Variants in PUM3 observed in about 807,000 individuals in gnomAD.
PUM3 encodes the protein pumilio RNA binding family member 3.
In PUM3, 91 loss-of-function variants were observed where a neutral mutation model predicts 84.0. The observed-to-expected ratio is 1.08, with a 90% CI of 0.91 to 1.29. The LOEUF (loss-of-function observed/expected upper bound fraction) is 1.29. Ranked by LOEUF, PUM3 falls within the 50% of genes most tolerant of loss-of-function variation. The pLI is 0.00. For synonymous variants in PUM3, 321 were observed against 266.7 expected (o/e 1.20, Z -1.98); for missense variants, 1,067 against 767.5 (o/e 1.39, Z -4.61).
intron 1 of PUM3, 50 bp downstream of exon 1, chr9:2,843,995 G>T: frequency 6.5e-6 from 1 of 154,286 alleles, no homozygotes. Context: ...CCAGCGCCCG[G>T]CAGGGTGCGA....
chr9:2,813,887 T>C (rs1028133634), intron 13 of PUM3, among the ~76,000 whole-genome samples: 5 of 152,226 alleles, frequency 3.3e-5, no homozygotes, highest in Non-Finnish European at 5.9e-5. Context: ...AGTCAAGCAC[T>C]ACTGAGAGCT....
chr9:2,842,819 T>C lies in PUM3; in HGVS notation c.-11+1226A>G, dbSNP rs187781611. On this transcript the variant is annotated intron_variant, in intron 1 of 17. Coordinates refer to ENST00000397885, the MANE Select transcript of PUM3 (RefSeq NM_014878.5). ...ACATAATTCTCTATGTTGTTCTTTA[T>C]GTTATTGTTGTTTGCCCCACAAACA... Among the ~76,000 whole-genome samples, 30 of 152,336 alleles carry C rather than the reference T, an allele frequency of 2.0e-4. No individual in the cohort carries two copies. The East Asian group carries it at 2.1e-3, about 11-fold the overall frequency.
At chr9:2,841,751 G>A (rs960148099) in intron 1 of PUM3, among the ~76,000 whole-genome samples, 1 of 150,216 alleles carries the variant, frequency 6.7e-6, no homozygotes, top group Non-Finnish European at 1.5e-5. Context: ...TCAGCCCTTC[G>A]GCCCCTCACC....
chr9:2,842,382 A>C (rs1448647283), intron 1 of PUM3, among the ~76,000 whole-genome samples: 1 of 152,160 alleles, frequency 6.6e-6, no homozygotes, highest in Non-Finnish European at 1.5e-5. Flanking sequence ...CACTGCCTTC[A>C]GGAAAAAGTT....
At chr9:2,817,392 A>T (rs1194955871) in intron 13 of PUM3, among the ~76,000 whole-genome samples, 1 of 152,216 alleles carries the variant, frequency 6.6e-6, no homozygotes, top group Non-Finnish European at 1.5e-5. Flanking sequence ...TTTAAAAAAC[A>T]AAAACAAAAT....
At chr9:2,838,629 A>C in intron 1 of PUM3, 112 bp from the exon 2 acceptor site, 1 of 666,082 alleles carries the variant, frequency 1.5e-6, no homozygotes, top group Non-Finnish European at 2.7e-6. Flanking sequence ...ATACAATACA[A>C]ATCAGCCAGA....
intron 13 of PUM3, among the ~76,000 whole-genome samples, chr9:2,814,043 GA>G (rs1483936635): frequency 3.5e-5 from 1 of 28,702 alleles, no homozygotes; most frequent in East Asian, 8.8e-4. Context: ...TCAGAGAGCT[GA>G]AAATTCAATA....
intron 12 of PUM3, among the ~76,000 whole-genome samples, chr9:2,822,161 T>G (rs553269014): frequency 1.3e-5 from 2 of 152,098 alleles, no homozygotes; most frequent in Non-Finnish European, 2.9e-5. Context: ...ACAAGTATAG[T>G]TGGAAATTTT....
intron 4 of PUM3, 102 bp downstream of exon 4, chr9:2,833,929 A>T: frequency 4.0e-6 from 5 of 1,248,354 alleles, no homozygotes; most frequent in Non-Finnish European, 5.6e-6. Flanking sequence ...CAATAACCCA[A>T]GTGCTATGTC....
At chr9:2,833,771 G>T (rs932240920) in intron 4 of PUM3, among the ~76,000 whole-genome samples, 1 of 152,132 alleles carries the variant, frequency 6.6e-6, no homozygotes, top group African/African-American at 2.4e-5. Flanking sequence ...CATTTTCTCA[G>T]AAATCTCTCA....
intron 7 of PUM3, 73 bp from the exon 8 acceptor site, chr9:2,830,021 T>C: frequency 2.9e-6 from 4 of 1,362,716 alleles, no homozygotes; most frequent in Non-Finnish European, 4.1e-6. Context: ...CACAACTTAC[T>C]TCTCCCAAGA....
In PUM3 at chr9:2,823,803, G is replaced by T; in HGVS notation, c.1166C>A (p.Thr389Asn). 6.6e-7 allele frequency: 1 copy of T among 1,518,198 alleles called. No individual in the cohort carries two copies. Among genetic ancestry groups the T allele is most frequent in the Non-Finnish European group, 9.0e-7 (1 of 1,111,912 alleles). The allele number at this position is 1,518,198 out of a possible 1,614,324, so 94.0% of individuals were successfully genotyped here. A position where few individuals can be genotyped will look rare whatever the true frequency, so the allele number is the denominator to read the frequency against. ...TACATTAGCCACCTTTTCAACATAA[G>T]TCTTCATTGTTTTCACAATCACTTT... is the stretch of plus-strand genomic sequence containing the variant. ...DRKVIVKTMK[T>N]YVEKVANGQY... Residue 389 changes from threonine to asparagine, a missense_variant, in exon 12 of 18, where the codon ACT (threonine) becomes AAT (asparagine). Coordinates refer to ENST00000397885, the MANE Select transcript of PUM3 (RefSeq NM_014878.5).
At chr9:2,804,566 T>TTGTAACTATATACACATTA in intron 17 of PUM3, 103 bp from the exon 18 acceptor site, 1 of 1,057,222 alleles carries the variant, frequency 9.5e-7, no homozygotes, top group African/African-American at 1.6e-5. Flanking sequence ...GACACAAGCC[T>TTGTAACTATATACACATTA]TGTAACTATA....
chr9:2,807,419 G>A (rs1403456084), intron 17 of PUM3, among the ~76,000 whole-genome samples: 1 of 151,518 alleles, frequency 6.6e-6, no homozygotes, highest in African/African-American at 2.4e-5. Context: ...AACACAGGGA[G>A]ACCCCCATCT....
chr9:2,834,044 C>G lies in PUM3; in HGVS notation c.427G>C (p.Glu143Gln), dbSNP rs1449450338. 2 of 1,613,228 alleles carry G rather than the reference C, an allele frequency of 1.2e-6. No individual in the cohort carries two copies. The highest frequency in any genetic ancestry group is 1.7e-6 in the Non-Finnish European group (2 of 1,179,632). ...DIVVRAKQMW[E>Q]ILRRKDCDKE... ...AGGTAGAATTACCTTCTTAAAATCT[C>G]CCACATCTGCTTTGCCCGAACAACA... Residue 143 changes from glutamate (E) to glutamine (Q), a missense_variant, in exon 4 of 18, where the codon GAG becomes CAG. By Grantham distance (29) the Glu-to-Gln change is conservative. Coordinates refer to ENST00000397885, the MANE Select transcript of PUM3 (RefSeq NM_014878.5).
At position 2,807,820 on chromosome 9, in the gene PUM3, A is replaced by C; in HGVS notation, c.1808T>G (p.Leu603Arg). ...WASVNRGAII[L>R]SSLLQSCDLE... ...GGGCACATGTTATACATACCTAGAA[A>C]GAATAATGGCACCTCGATTTACACT... The change falls in exon 17 of 18, where the codon CTT (leucine) becomes CGT (arginine). Residue 603 changes from leucine to arginine, a missense_variant. Leu to Arg is a moderately radical substitution (Grantham distance 102, BLOSUM62 -2). Transcript: ENST00000397885. 6.2e-7 allele frequency: 1 copy of C among 1,607,794 alleles called. No individual in the cohort carries two copies.
At chr9:2,841,523 G>C (rs887237163) in intron 1 of PUM3, among the ~76,000 whole-genome samples, 5 of 152,130 alleles carry the variant, frequency 3.3e-5, no homozygotes, top group Non-Finnish European at 7.4e-5. Flanking sequence ...AGCTGAGATT[G>C]TGCCACTACA....
At chr9:2,830,168 GA>G (rs1815937569) in intron 7 of PUM3, among the ~76,000 whole-genome samples, 2 of 151,778 alleles carry the variant, frequency 1.3e-5, no homozygotes, top group Admixed American at 1.3e-4. Flanking sequence ...AGTAGGGCAG[GA>G]AAAAAGATAA....
chr9:2,828,599 T>C lies in PUM3; in HGVS notation c.956+76A>G, dbSNP rs1815885682. ...TTGTAAGCAGGAAATAGCTACCTCT[T>C]CTGGGCAACAGTTATGGAAAACCTT... On this transcript the variant is annotated intron_variant, in intron 9 of 17. Coordinates refer to ENST00000397885, the MANE Select transcript of PUM3 (RefSeq NM_014878.5). The C allele has an allele frequency of 2.5e-5, 22 of 865,444 alleles. 1 individual carries two copies. In the South Asian group the frequency reaches 3.0e-4, roughly 12 times the overall value. The allele number at this position is 865,444 out of a possible 1,614,324, so 53.6% of individuals were successfully genotyped here. A position where few individuals can be genotyped will look rare whatever the true frequency, so the allele number is the denominator to read the frequency against.
Sources: allele counts gnomAD v4.1 joint callset (sites outside exome capture counted in the v4.1 genomes callset), GRCh38; gene constraint gnomAD v4.1.1; transcripts MANE v1.5; gene names NCBI Gene and HGNC (gene_info 2026-07-23, HGNC 2026-07-21).